ALG11: variants seen among roughly 807,000 people sequenced by gnomAD.
ALG11 encodes ALG11 alpha-1,2-mannosyltransferase, also known as GDP-Man:Man(3)GlcNAc(2)-PP-Dol alpha-1,2-mannosyltransferase.
In ALG11, 26 loss-of-function variants were observed where a neutral mutation model predicts 38.8. That is an observed-to-expected ratio of 0.67 (90% confidence interval 0.49 to 0.93). The LOEUF is 0.93. ALG11 is among the 40% of genes least tolerant of loss of function. The probability of loss-of-function intolerance (pLI) is 0.00; values close to 1 mark genes in which losing one functional copy is unlikely to be tolerated. For missense variants in ALG11, 535 were observed against 578.8 expected, an observed-to-expected ratio of 0.92 and a Z score of 0.78; for synonymous variants, 199 against 211.6, an observed-to-expected ratio of 0.94 and a Z score of 0.52.
rs1422778015 is a variant in ALG11 at position 52,024,522 on chromosome 13, T to G, written c.792T>G (p.His264Gln). Reference protein sequence around the residue: ...VMVNSSWTLNHILSLWKVGNC... With the variant: ...VMVNSSWTLNQILSLWKVGNC... ...TCAATTCTTCTTGGACACTAAACCA[T>G]ATTCTCTCACTATGGAAAGTTGGGA... Residue 264 changes from histidine (H) to glutamine (Q), a missense_variant, in exon 3 of 4, where the codon CAT becomes CAG. By Grantham distance (24) the His-to-Gln change is conservative (BLOSUM62 0). Coordinates refer to ENST00000521508, the MANE Select transcript of ALG11 (RefSeq NM_001004127.3). 6.2e-7 allele frequency: 1 copy of G among 1,614,244 alleles called. No individual in the cohort carries two copies.
chr13:52,016,086 G>A (rs1206804309), intron 1 of ALG11: 1 of 153,504 alleles, frequency 6.5e-6, no homozygotes, highest in Admixed American at 6.5e-5. Flanking sequence ...CTGGAGAAAG[G>A]TGACTCCTCT....
Position 52,029,144 on chromosome 13 carries a change from G to T in ALG11, c.*554G>T, listed in dbSNP as rs758269841. The T allele has an allele frequency of 6.2e-7, 1 of 1,614,206 alleles. No homozygotes were observed. Among genetic ancestry groups the T allele is most frequent in the South Asian group, 1.1e-5 (1 of 91,088 alleles). ...ACTGAATAGAGTCAAATCAAAGAAG[G>T]TGGTGGAGTTACCTCTTAACAAAGA... On this transcript the variant is annotated 3_prime_UTR_variant, in exon 4 of 4. Transcript: ENST00000521508.
chr13:52,014,626 C>G (rs1311360163), intron 1 of ALG11, among the ~76,000 whole-genome samples: 1 of 151,798 alleles, frequency 6.6e-6, no homozygotes, highest in Non-Finnish European at 1.5e-5. Flanking sequence ...CCTTGAACTC[C>G]TGGGCTCAAG....
Position 52,032,095 on chromosome 13 carries a change from A to C in ALG11, c.*3505A>C, listed in dbSNP as rs539648299. On this transcript the variant is annotated 3_prime_UTR_variant, in exon 4 of 4. Transcript: ENST00000521508. ...AAATTAGCTGGGCCTGGTGGCAGGC[A>C]CCTGTAATCCCAGCTACTTGGGAGA... 6.5e-6 allele frequency: 1 copy of C among 152,826 alleles called. No homozygotes were observed. Among genetic ancestry groups the C allele is most frequent in the Non-Finnish European group, 1.5e-5 (1 of 68,080 alleles). The allele number at this position is 152,826 out of a possible 1,614,324, so 9.5% of individuals were successfully genotyped here. A position where few individuals can be genotyped will look rare whatever the true frequency, so the allele number is the denominator to read the frequency against.
In ALG11 at chr13:52,028,803, A is replaced by G. The variant is rs1401234090; in HGVS notation, c.*213A>G. 20 of 1,614,250 alleles carry G rather than the reference A, an allele frequency of 1.2e-5. No homozygotes were observed. Among genetic ancestry groups the G allele is most frequent in the Non-Finnish European group, 1.7e-5 (20 of 1,180,042 alleles). ...TATACATGAGAGAGGCTGGCTGCTGAGATGAATGTGAACCAGGTTGCAGAG... is the reference window on the plus strand; with the variant it reads ...TATACATGAGAGAGGCTGGCTGCTGGGATGAATGTGAACCAGGTTGCAGAG... On this transcript the variant is annotated 3_prime_UTR_variant, in exon 4 of 4. Transcript: ENST00000521508.
At chr13:52,013,917 G>C (rs1355764357) in intron 1 of ALG11, among the ~76,000 whole-genome samples, 2 of 152,164 alleles carry the variant, frequency 1.3e-5, no homozygotes, top group African/African-American at 4.8e-5. Context: ...AAGTGCAAAA[G>C]TGATAGCGGA....
In ALG11 at chr13:52,030,156, GC is replaced by G; in HGVS notation, c.*1568del. On this transcript the variant is annotated 3_prime_UTR_variant, in exon 4 of 4. Coordinates refer to ENST00000521508, the MANE Select transcript of ALG11 (RefSeq NM_001004127.3). ...AGTCAAGAAACAAAAGATTCTAGCA[GC>G]CAGGAGGTGCTGTCCGAATTGAGGG... The G allele has an allele frequency of 6.2e-7, 1 of 1,614,206 alleles. No homozygotes were observed.
At chr13:52,014,635 A>G (rs527851482) in intron 1 of ALG11, among the ~76,000 whole-genome samples, 3 of 152,140 alleles carry the variant, frequency 2.0e-5, no homozygotes, top group African/African-American at 7.2e-5. Context: ...CCTGGGCTCA[A>G]GCAATCCTCC....
chr13:52,019,183 C>A, intron 2 of ALG11, 40 bp downstream of exon 2: 5 of 1,296,520 alleles, frequency 3.9e-6, no homozygotes, highest in African/African-American at 1.5e-5. Flanking sequence ...CTATATTGTT[C>A]CATTTCTTAA....
chr13:52,015,864 AG>A (rs1954130092), intron 1 of ALG11: 1 of 152,406 alleles, frequency 6.6e-6, no homozygotes, highest in African/African-American at 2.4e-5. Context: ...GCTGCTGAAG[AG>A]ATACCCAAAA....
At chr13:52,019,341 C>A (rs1031166536) in intron 2 of ALG11, among the ~76,000 whole-genome samples, 198 bp downstream of exon 2, 5 of 150,864 alleles carry the variant, frequency 3.3e-5, no homozygotes, top group Admixed American at 6.6e-5. Context: ...CCTGCCTCGG[C>A]CTCCCGAGTA....
In ALG11 at chr13:52,031,087, T is replaced by G. The variant is rs1954299497; in HGVS notation, c.*2497T>G. ...CAAAACGAATCACCACACGTCACAA[T>G]AAAGAAGAAAAACTGTAGGTTGTGT... On this transcript the variant is annotated 3_prime_UTR_variant, in exon 4 of 4. Transcript: ENST00000521508. The G allele has an allele frequency of 6.2e-7, 1 of 1,611,020 alleles. No homozygotes were observed. The highest frequency in any genetic ancestry group is 1.1e-5 in the South Asian group (1 of 90,856).
chr13:52,029,513 G>A lies in ALG11; in HGVS notation c.*923G>A, dbSNP rs1337717358. On this transcript the variant is annotated 3_prime_UTR_variant, in exon 4 of 4. Transcript: ENST00000521508. ...GGCTCGGGCTCTGCAGTCCTACTAT[G>A]AGGCCAAGGCTCGAAAAGAGAAGAA... 2 of 1,614,168 alleles carry A rather than the reference G, an allele frequency of 1.2e-6. No homozygotes were observed. The highest frequency in any genetic ancestry group is 2.2e-5 in the East Asian group (1 of 44,878).
rs957487781 is a variant in ALG11, at chr13:52,024,151, G to A, written c.421G>A (p.Asp141Asn). 1 of 1,614,018 alleles carries A rather than the reference G, an allele frequency of 6.2e-7. No individual in the cohort carries two copies. Among genetic ancestry groups the A allele is most frequent in the African/African-American group, 1.3e-5 (1 of 74,912 alleles). Reference protein sequence around the residue: ...VFLRKRYLVEDSLYPHFTLLG... With the variant: ...VFLRKRYLVENSLYPHFTLLG... Reference sequence around the variant, plus strand: ...TTTAAGGAAACGCTATCTTGTGGAAGATTCACTGTATCCTCACTTCACACT... The same window carrying A: ...TTTAAGGAAACGCTATCTTGTGGAAAATTCACTGTATCCTCACTTCACACT... Residue 141 changes from aspartate (D) to asparagine (N), a missense_variant, in exon 3 of 4, where the codon GAT becomes AAT. By Grantham distance (23) the Asp-to-Asn change is conservative. Transcript: ENST00000521508.
At position 52,030,376 on chromosome 13, in the gene ALG11, G is replaced by A. The variant is rs769650111; in HGVS notation, c.*1786G>A. ...GAAAAGAAGATTGTTTTCAAAATAA[G>A]GAGCTTCCCAGACCTGTGTTAGAAG... On this transcript the variant is annotated 3_prime_UTR_variant, in exon 4 of 4. Transcript: ENST00000521508. 4 of 1,614,178 alleles carry A rather than the reference G, an allele frequency of 2.5e-6. No homozygotes were observed. In the South Asian group the frequency reaches 4.4e-5, roughly 18 times the overall value.
chr13:52,030,456 AAG>A lies in ALG11; in HGVS notation c.*1870_*1871del. On this transcript the variant is annotated 3_prime_UTR_variant, in exon 4 of 4. Transcript: ENST00000521508. Reference sequence around the variant, plus strand: ...CGGCCTGATGCCCCTAAGGAGAAGAAAGAGAAGGAGCAACTGATCAACCTACA... The same window carrying A: ...CGGCCTGATGCCCCTAAGGAGAAGAAAGAAGGAGCAACTGATCAACCTACA... 1 of 1,614,242 alleles carries A rather than the reference AAG, an allele frequency of 6.2e-7. No homozygotes were observed. The highest frequency in any genetic ancestry group is 8.5e-7 in the Non-Finnish European group (1 of 1,180,040).
rs1178732483 is a variant in ALG11 at position 52,032,813 on chromosome 13, A to G, written c.*4223A>G. The G allele has an allele frequency of 6.0e-6, 1 of 167,120 alleles. No individual in the cohort carries two copies. Among genetic ancestry groups the G allele is most frequent in the Non-Finnish European group, 1.5e-5 (1 of 68,116 alleles). The allele number at this position is 167,120 out of a possible 1,614,324, so 10.4% of individuals were successfully genotyped here. On this transcript the variant is annotated 3_prime_UTR_variant, in exon 4 of 4. Transcript: ENST00000521508. Reference sequence around the variant, plus strand: ...TCTCTTATTTTCAGCTTTACAGACAAGAACAATTTAAATCTAAAGAATTTA... The same window carrying G: ...TCTCTTATTTTCAGCTTTACAGACAGGAACAATTTAAATCTAAAGAATTTA...
chr13:52,029,672 A>G lies in ALG11; in HGVS notation c.*1082A>G. ...AATGGAAAAAATTGAAAATGCCAGAATGATGGAAAGAATGAGCCTTAAGCA... is the reference window on the plus strand; with the variant it reads ...AATGGAAAAAATTGAAAATGCCAGAGTGATGGAAAGAATGAGCCTTAAGCA... On this transcript the variant is annotated 3_prime_UTR_variant, in exon 4 of 4. Transcript: ENST00000521508. The G allele has an allele frequency of 6.2e-7, 1 of 1,614,262 alleles. No individual in the cohort carries two copies. Among genetic ancestry groups the G allele is most frequent in the Non-Finnish European group, 8.5e-7 (1 of 1,180,042 alleles).
chr13:52,023,980 T>C (rs1320295359), intron 2 of ALG11, 26 bp from the exon 3 acceptor site: 1 of 1,609,472 alleles, frequency 6.2e-7, no homozygotes, highest in African/African-American at 1.3e-5. Flanking sequence ...ACTTAATATA[T>C]TCTTAACCAT....
Sources: gnomAD v4.1 joint callset for allele counts (sites outside exome capture counted in the v4.1 genomes callset) on GRCh38, gnomAD v4.1.1 for gene constraint, MANE v1.5 for transcripts, NCBI Gene and HGNC (gene_info 2026-07-23, HGNC 2026-07-21) for gene names.